The following CSGALNACT1 variants were observed in gnomAD, a reference collection of about 807,000 sequenced individuals.
CSGALNACT1 encodes chondroitin sulfate N-acetylgalactosaminyltransferase 1.
Under a neutral mutation model 51.0 loss-of-function variants are expected in CSGALNACT1, and 52 were observed. That is an observed-to-expected ratio of 1.02 (90% CI 0.82 to 1.29). The LOEUF is 1.29. CSGALNACT1 is among the 50% of genes most tolerant of loss of function. The pLI is 0.00. For synonymous variants in CSGALNACT1, 341 were observed against 254.4 expected (o/e 1.34, Z -3.24); for missense variants, 935 against 679.2 (o/e 1.38, Z -4.19).
intron 3 of CSGALNACT1, among the ~76,000 whole-genome samples, chr8:19,525,200 A>G (rs2081425729): frequency 6.6e-6 from 1 of 152,200 alleles, no homozygotes; most frequent in Non-Finnish European, 1.5e-5. Context: ...TGAAAAACTA[A>G]TGTCAATTTT....
intron 1 of CSGALNACT1, among the ~76,000 whole-genome samples, chr8:19,652,575 CT>C (rs2057909313): frequency 6.6e-6 from 1 of 152,174 alleles, no homozygotes; most frequent in Non-Finnish European, 1.5e-5. Context: ...TCTATTGCCT[CT>C]TTCCATCAGC....
At chr8:19,753,276 A>C (rs561456994) in intron 1 of CSGALNACT1, among the ~76,000 whole-genome samples, 1 of 152,294 alleles carries the variant, frequency 6.6e-6, no homozygotes, top group South Asian at 2.1e-4. Context: ...ATGATATTTA[A>C]AATGTTCTAC....
intron 4 of CSGALNACT1, among the ~76,000 whole-genome samples, chr8:19,491,057 C>T (rs963065266): frequency 1.3e-5 from 2 of 150,038 alleles, no homozygotes; most frequent in African/African-American, 4.9e-5. Context: ...CTGGAAAACA[C>T]AGCATCACTC....
intron 3 of CSGALNACT1, among the ~76,000 whole-genome samples, chr8:19,551,900 G>T (rs377470705): frequency 6.6e-6 from 1 of 152,056 alleles, no homozygotes; most frequent in African/African-American, 2.4e-5. Context: ...CTATATAACC[G>T]TAAGTTCAAA....
intron 6 of CSGALNACT1, among the ~76,000 whole-genome samples, chr8:19,431,844 C>A (rs1171455160): frequency 2.0e-5 from 3 of 151,412 alleles, no homozygotes; most frequent in African/African-American, 7.3e-5. Flanking sequence ...AATCCATTTG[C>A]TTGTTATAAG....
chr8:19,413,898 G>C (rs147043242), intron 8 of CSGALNACT1, among the ~76,000 whole-genome samples: 1,573 of 152,286 alleles, frequency 0.01, 27 homozygotes, highest in African/African-American at 0.036. Flanking sequence ...TATGGAGCTG[G>C]TACCATGTGC....
At chr8:19,689,490 CTG>C (rs1208002934) in intron 1 of CSGALNACT1, among the ~76,000 whole-genome samples, 1 of 152,214 alleles carries the variant, frequency 6.6e-6, no homozygotes, top group East Asian at 1.9e-4. Context: ...AACTCAATAA[CTG>C]TTGTTTTGAG....
rs148211104 is a variant in CSGALNACT1, at chr8:19,544,560, T to C, written c.-296-38430A>G. ...TAACTCCGAACAGATATCCACCTGA[T>C]TGAATGACCCTTTTGCTTTTTAACC... On this transcript the variant is annotated intron_variant, in intron 3 of 9. Transcript: ENST00000454498. 2.0e-4 allele frequency among the ~76,000 whole-genome samples: 30 copies of C among 152,306 alleles called. No homozygotes were observed. The East Asian group carries it at 3.7e-3, about 19-fold the overall frequency.
At chr8:19,740,006 G>C (rs983345682) in intron 1 of CSGALNACT1, among the ~76,000 whole-genome samples, 1 of 152,098 alleles carries the variant, frequency 6.6e-6, no homozygotes, top group African/African-American at 2.4e-5. Context: ...TTTTCCAGGG[G>C]CTCCCTGCTG....
intron 7 of CSGALNACT1, among the ~76,000 whole-genome samples, chr8:19,419,938 G>C (rs889027525): frequency 6.6e-6 from 1 of 152,164 alleles, no homozygotes; most frequent in Non-Finnish European, 1.5e-5. Flanking sequence ...CTGAATGATG[G>C]GGACAGGTTT....
intron 4 of CSGALNACT1, among the ~76,000 whole-genome samples, chr8:19,485,083 G>T (rs983468633): frequency 6.6e-6 from 1 of 152,108 alleles, no homozygotes; most frequent in Non-Finnish European, 1.5e-5. Context: ...CCCTGTTATG[G>T]CAGCCCAAGT....
chr8:19,692,657 T>A (rs1589546269), intron 1 of CSGALNACT1, among the ~76,000 whole-genome samples: 1 of 152,218 alleles, frequency 6.6e-6, no homozygotes, highest in African/African-American at 2.4e-5. Flanking sequence ...TGAGCTTTTT[T>A]AATACAGAAC....
chr8:19,590,247 G>A (rs548845958), intron 3 of CSGALNACT1, among the ~76,000 whole-genome samples: 12 of 152,156 alleles, frequency 7.9e-5, no homozygotes, highest in African/African-American at 2.2e-4. Flanking sequence ...ACTAAACTGC[G>A]CACTGAGGTA....
At chr8:19,542,542 G>A (rs1198598954) in intron 3 of CSGALNACT1, among the ~76,000 whole-genome samples, 1 of 152,062 alleles carries the variant, frequency 6.6e-6, no homozygotes, top group Non-Finnish European at 1.5e-5. Flanking sequence ...CCCAGGTTCT[G>A]AGTGACACCC....
rs557495574 is a variant in CSGALNACT1 at position 19,650,817 on chromosome 8, C to T, written c.-544+31656G>A. Reference sequence around the variant, plus strand: ...ATTTTGGCCAGGAAGTGAGTCTTGGCTTCTTAGAAAAGTGACTAAAAACTA... The same window carrying T: ...ATTTTGGCCAGGAAGTGAGTCTTGGTTTCTTAGAAAAGTGACTAAAAACTA... On this transcript the variant is annotated intron_variant, in intron 1 of 9. Coordinates refer to the CSGALNACT1 transcript ENST00000332246. Among the ~76,000 whole-genome samples, 9 of 152,322 alleles carry T rather than the reference C, an allele frequency of 5.9e-5. No homozygotes were observed. In the East Asian group the frequency reaches 1.5e-3, roughly 26 times the overall value.
rs1294621139 is a variant in CSGALNACT1, at chr8:19,696,020, A to AG, written c.-297+61829_-297+61830insC. 8.5e-5 allele frequency among the ~76,000 whole-genome samples: 13 copies of AG among 152,374 alleles called. No homozygotes were observed. The East Asian group carries it at 2.3e-3, about 27-fold the overall frequency. On this transcript the variant is annotated intron_variant, in intron 1 of 1. Coordinates refer to the CSGALNACT1 transcript ENST00000517494. ...AAACACTCTGAATATAAATTTTTAA[A>AG]AACTTTAAAGACCCAAGACCAGTAG...
At position 19,542,200 on chromosome 8, in the gene CSGALNACT1, A is replaced by AACACACACACACACACACACAC. The variant is rs55968136; in HGVS notation, c.-296-36092_-296-36071dup. On this transcript the variant is annotated intron_variant, in intron 3 of 9. Transcript: ENST00000454498. ...AAGAAAGAAGAGAGACAGCACAAGA[A>AACACACACACACACACACACAC]ACACACACACACACACACACACACA... is the stretch of plus-strand genomic sequence containing the variant. 8.5e-4 allele frequency among the ~76,000 whole-genome samples: 123 copies of AACACACACACACACACACACAC among 144,034 alleles called. 1 individual carries two copies. In the South Asian group the frequency reaches 0.012, roughly 14 times the overall value. The allele number at this position is 144,034 out of a possible 152,430, so 94.5% of individuals were successfully genotyped here. A position where few individuals can be genotyped will look rare whatever the true frequency, so the allele number is the denominator to read the frequency against.
chr8:19,416,797 T>C (rs1364333852), intron 8 of CSGALNACT1, among the ~76,000 whole-genome samples: 1 of 152,200 alleles, frequency 6.6e-6, no homozygotes, highest in Admixed American at 6.5e-5. Context: ...TGCACAATGA[T>C]GAAATTGCCT....
chr8:19,677,692 C>T (rs1180833809), intron 1 of CSGALNACT1, among the ~76,000 whole-genome samples: 1 of 152,028 alleles, frequency 6.6e-6, no homozygotes, highest in Non-Finnish European at 1.5e-5. Context: ...AATGTTTTTA[C>T]TTCAGCGAAG....
Sources: allele counts gnomAD v4.1 joint callset (sites outside exome capture counted in the v4.1 genomes callset), GRCh38; gene constraint gnomAD v4.1.1; transcripts MANE v1.5; gene names NCBI Gene and HGNC (gene_info 2026-07-23, HGNC 2026-07-21).